The following ERRFI1 variants were observed in gnomAD, a reference collection of about 807,000 sequenced individuals.
ERRFI1 encodes mitogen-inducible gene 6 protein.
Under a neutral mutation model 14.6 loss-of-function variants are expected in ERRFI1, and 12 were observed. That is an observed-to-expected ratio of 0.82 (90% CI 0.53 to 1.33). The LOEUF (loss-of-function observed/expected upper bound fraction) is 1.33. ERRFI1 is among the 40% of genes most tolerant of loss of function. ERRFI1 has a pLI of 0.00. For missense variants in ERRFI1, 482 were observed against 572.1 expected (o/e 0.84, Z 1.61); for synonymous variants, 202 against 209.9 (o/e 0.96, Z 0.32).
At chr1:8,025,302 A>G (rs554315689) in intron 1 of ERRFI1, among the ~76,000 whole-genome samples, 40 of 152,358 alleles carry the variant, frequency 2.6e-4, no homozygotes, top group Non-Finnish European at 4.4e-4. Flanking sequence ...AGAGTCATCT[A>G]ATTTGTACAG....
chr1:8,013,596 GA>G lies in ERRFI1; in HGVS notation c.1002del (p.Ser337AlafsTer115), dbSNP rs763044652. On this transcript the variant is annotated frameshift_variant, in exon 4 of 4. Coordinates refer to ENST00000377482, the MANE Select transcript of ERRFI1 (RefSeq NM_018948.4). LOFTEE classifies it low-confidence loss of function (END_TRUNC). This position sits in a 1 kb window ranked among gnomAD's most constrained non-coding sequence, Gnocchi z 4.3. Reference sequence around the variant, plus strand: ...TTGAGGTAAGACGGAAGGCTTTTGGGACTCGGTGTGCGCGAGTTACTCGGTG... The same window carrying G: ...TTGAGGTAAGACGGAAGGCTTTTGGGCTCGGTGTGCGCGAGTTACTCGGTG... The part of the protein sequence containing the change: ...PLSPSNSRTP[S>X]PKSLPSYLNG... 6.2e-7 allele frequency: 1 copy of G among 1,614,146 alleles called. No individual in the cohort carries two copies. The highest frequency in any genetic ancestry group is 1.1e-5 in the South Asian group (1 of 91,080).
Position 8,017,140 on chromosome 1 carries a change from G to GTT in ERRFI1, c.-73-1450_-73-1449dup, listed in dbSNP as rs5772299. ...ATATACACATTGTGTAAGGCACAGG[G>GTT]TTTTTTTTTTTAAAGCTAAAAACTT... On this transcript the variant is annotated intron_variant, in intron 1 of 3. Coordinates refer to ENST00000377482, the MANE Select transcript of ERRFI1 (RefSeq NM_018948.4). 3.4e-5 allele frequency among the ~76,000 whole-genome samples: 5 copies of GTT among 146,050 alleles called. No individual in the cohort carries two copies. The East Asian group carries it at 7.9e-4, about 23-fold the overall frequency.
intron 1 of ERRFI1, among the ~76,000 whole-genome samples, chr1:8,025,705 C>A (rs1345513377): frequency 1.3e-5 from 2 of 152,206 alleles, no homozygotes; most frequent in Non-Finnish European, 2.9e-5. Flanking sequence ...GACGCTCATC[C>A]CCGCCGGGCA....
intron 1 of ERRFI1, among the ~76,000 whole-genome samples, chr1:8,020,401 T>C (rs1380621080): frequency 6.6e-6 from 1 of 152,106 alleles, no homozygotes; most frequent in African/African-American, 2.4e-5. Context: ...AAAGGCAAAA[T>C]TTATAAAAGG....
intron 1 of ERRFI1, among the ~76,000 whole-genome samples, chr1:8,021,062 A>G (rs1232620362): frequency 2.0e-5 from 3 of 152,222 alleles, no homozygotes; most frequent in African/African-American, 7.2e-5. Context: ...AGTAAACATT[A>G]AAATATAGTT....
chr1:8,016,768 C>T (rs1397891564), intron 1 of ERRFI1, among the ~76,000 whole-genome samples: 2 of 152,174 alleles, frequency 1.3e-5, no homozygotes, highest in East Asian at 1.9e-4. Context: ...CTCTTTAACA[C>T]GATCTCATTC....
chr1:8,013,663 A>G lies in ERRFI1; in HGVS notation c.936T>C (p.Asp312=), dbSNP rs1219070586. ...GCGGTACTTTGGGAGGCCTGTCTTC[A>G]TCACTATAGGTGCTCGAAGTAACTT... ...SAEVTSSTYS[D]EDRPPKVPPR... is the part of the protein sequence containing the mutation. The change falls in exon 4 of 4, where the codon GAT becomes GAC. Residue 312 remains aspartate, a synonymous_variant. Coordinates refer to ENST00000377482, the MANE Select transcript of ERRFI1 (RefSeq NM_018948.4). The surrounding 1 kb of genome is among the most constrained non-coding windows in gnomAD (Gnocchi z 4.3). 5.0e-6 allele frequency: 8 copies of G among 1,614,066 alleles called. No individual in the cohort carries two copies. The highest frequency in any genetic ancestry group is 5.9e-6 in the Non-Finnish European group (7 of 1,180,044).
rs773510363 is a variant in ERRFI1 at position 8,015,604 on chromosome 1, C to G, written c.16G>C (p.Val6Leu). 1.1e-5 allele frequency: 18 copies of G among 1,614,128 alleles called. No homozygotes were observed. The South Asian group carries it at 1.9e-4, about 17-fold the overall frequency. MSIAG[V>L]AAQEIRVPLK... is the part of the protein sequence containing the mutation. Reference sequence around the variant, plus strand: ...GGGACTCTGATCTCCTGAGCAGCAACTCCTGCTATTGACATTGTGCCTTAT... The same window carrying G: ...GGGACTCTGATCTCCTGAGCAGCAAGTCCTGCTATTGACATTGTGCCTTAT... The change falls in exon 2 of 4, where the codon GTT becomes CTT. Residue 6 changes from valine (V) to leucine (L), a missense_variant. Val to Leu is a conservative substitution (Grantham distance 32). Coordinates refer to ENST00000377482, the MANE Select transcript of ERRFI1 (RefSeq NM_018948.4).
rs141231690 is a variant in ERRFI1 at position 8,014,134 on chromosome 1, C to A, written c.465G>T (p.Pro155=). ...GAGAGAGGGCTTCAGAGATTGGCAA[C>A]GGTGGAAGAGGCCTAGAACCCCGTT... is the stretch of plus-strand genomic sequence containing the variant. ...LCERGSRPLP[P]LPISEALSLD... The change falls in exon 4 of 4, where the codon CCG becomes CCT. Residue 155 remains proline (P), a synonymous_variant. Coordinates refer to ENST00000377482, the MANE Select transcript of ERRFI1 (RefSeq NM_018948.4). 6.2e-7 allele frequency: 1 copy of A among 1,613,992 alleles called. No homozygotes were observed. Among genetic ancestry groups the A allele is most frequent in the African/African-American group, 1.3e-5 (1 of 74,988 alleles).
Position 8,015,641 on chromosome 1 carries a change from T to A in ERRFI1, c.-22A>T. 1 of 1,613,854 alleles carries A rather than the reference T, an allele frequency of 6.2e-7. No individual in the cohort carries two copies. Among genetic ancestry groups the A allele is most frequent in the East Asian group, 2.2e-5 (1 of 44,876 alleles). On this transcript the variant is annotated 5_prime_UTR_variant, in exon 2 of 4. Coordinates refer to ENST00000377482, the MANE Select transcript of ERRFI1 (RefSeq NM_018948.4). Reference sequence around the variant, plus strand: ...ACATTGTGCCTTATTCTGGGACATCTCCAAACCTGTGAGGCCCAGGCACTT... The same window carrying A: ...ACATTGTGCCTTATTCTGGGACATCACCAAACCTGTGAGGCCCAGGCACTT...
At chr1:8,015,250 C>A (rs970818780) in intron 3 of ERRFI1, 58 bp downstream of exon 3, 1 of 1,505,556 alleles carries the variant, frequency 6.6e-7, no homozygotes, top group Non-Finnish European at 9.2e-7. Context: ...ACAAGCTAAC[C>A]CGAATCCAGA....
intron 1 of ERRFI1, among the ~76,000 whole-genome samples, chr1:8,018,161 T>G (rs1641208919): frequency 6.6e-6 from 1 of 151,964 alleles, no homozygotes; most frequent in Admixed American, 6.6e-5. Context: ...CTTGCTAGCA[T>G]GGGAGACGAG....
chr1:8,012,514 TGTGACAGGTACAG>T lies in ERRFI1; in HGVS notation c.*683_*695del, dbSNP rs2124051661. On this transcript the variant is annotated 3_prime_UTR_variant, in exon 4 of 4. Coordinates refer to ENST00000377482, the MANE Select transcript of ERRFI1 (RefSeq NM_018948.4). ...TATTATCGTTTTATTTTTCAAGATG[TGTGACAGGTACAG>T]GTGACAATATGGTTGCCAAGTAACC... 1 of 226,480 alleles carries T rather than the reference TGTGACAGGTACAG, an allele frequency of 4.4e-6. No homozygotes were observed. Among genetic ancestry groups the T allele is most frequent in the Admixed American group, 5.7e-5 (1 of 17,556 alleles). 14.0% of individuals were successfully genotyped at this position (226,480 alleles called of 1,614,324 possible). A position where few individuals can be genotyped will look rare whatever the true frequency, so the allele number is the denominator to read the frequency against.
At chr1:8,022,612 A>G (rs1409140847) in intron 1 of ERRFI1, among the ~76,000 whole-genome samples, 1 of 152,002 alleles carries the variant, frequency 6.6e-6, no homozygotes, top group African/African-American at 2.4e-5. Context: ...CTACCTCTCC[A>G]CTCTATAGTA....
In ERRFI1 at chr1:8,024,833, C is replaced by A. The variant is rs561460221; in HGVS notation, c.-74+1325G>T. ...TATTTTGGTCTTTGCAAAATTTGAT[C>A]ATTTGCTGATACCTAGCCTGTCTTT... On this transcript the variant is annotated intron_variant, in intron 1 of 3. Coordinates refer to ENST00000377482, the MANE Select transcript of ERRFI1 (RefSeq NM_018948.4). 1.5e-4 allele frequency among the ~76,000 whole-genome samples: 23 copies of A among 152,218 alleles called. No individual in the cohort carries two copies. In the South Asian group the frequency reaches 4.4e-3, roughly 29 times the overall value.
chr1:8,012,850 G>C lies in ERRFI1; in HGVS notation c.*360C>G. 3.8e-6 allele frequency: 1 copy of C among 263,908 alleles called. No homozygotes were observed. Among genetic ancestry groups the C allele is most frequent in the South Asian group, 1.2e-4 (1 of 8,632 alleles). 16.3% of individuals were successfully genotyped at this position (263,908 alleles called of 1,614,324 possible). ...TTCTCCAGCTTGAGTTTATTATTCT[G>C]AATATATATTACTCTACGATAGTAA... is the stretch of plus-strand genomic sequence containing the variant. On this transcript the variant is annotated 3_prime_UTR_variant, in exon 4 of 4. Transcript: ENST00000377482.
intron 1 of ERRFI1, among the ~76,000 whole-genome samples, chr1:8,016,831 TGCTGGGCACTGTGCAAAG>T (rs913894777): frequency 2.6e-5 from 4 of 151,980 alleles, no homozygotes; most frequent in African/African-American, 9.7e-5. Context: ...CACAGCTGAG[TGCTGGGCACTGTGCAAAG>T]GCTGGGCACT....
intron 3 of ERRFI1, 37 bp from the exon 4 acceptor site, chr1:8,014,433 A>C: frequency 3.3e-6 from 5 of 1,512,804 alleles, no homozygotes; most frequent in Non-Finnish European, 4.4e-6. Flanking sequence ...AAGATCAACA[A>C]TCCTCTCTCC....
chr1:8,014,122 A>C lies in ERRFI1; in HGVS notation c.477T>G (p.Ser159=). 1 of 1,614,206 alleles carries C rather than the reference A, an allele frequency of 6.2e-7. No individual in the cohort carries two copies. The highest frequency in any genetic ancestry group is 8.5e-7 in the Non-Finnish European group (1 of 1,180,020). ...GSRPLPPLPI[S]EALSLDDTDC... is the part of the protein sequence containing the mutation. ...CTGTGTCATCCAGAGAGAGGGCTTC[A>C]GAGATTGGCAACGGTGGAAGAGGCC... Residue 159 remains serine, a synonymous_variant, in exon 4 of 4, where the codon TCT becomes TCG. Transcript: ENST00000377482.
Sources: allele counts gnomAD v4.1 joint callset (sites outside exome capture counted in the v4.1 genomes callset), GRCh38; gene constraint gnomAD v4.1.1; non-coding constraint Gnocchi (gnomAD v3.1); transcripts MANE v1.5; gene names NCBI Gene and HGNC (gene_info 2026-07-23, HGNC 2026-07-21).